Variants in SLC39A11 observed in about 807,000 individuals in gnomAD.
SLC39A11 encodes solute carrier family 39 member 11, also known as zinc transporter ZIP11.
In SLC39A11, 33 loss-of-function variants were observed where a neutral mutation model predicts 36.1. The observed-to-expected ratio is 0.91, with a 90% CI of 0.69 to 1.22. The LOEUF is 1.22. Ranked by LOEUF, SLC39A11 falls within the 50% of genes most tolerant of loss-of-function variation. SLC39A11 has a pLI of 0.00. For missense variants in SLC39A11, 432 were observed against 430.3 expected (o/e 1.00, Z -0.03); for synonymous variants, 166 against 170.3 (o/e 0.97, Z 0.20).
At chr17:72,852,955 C>A (rs2079436489) in intron 5 of SLC39A11, among the ~76,000 whole-genome samples, 2 of 152,146 alleles carry the variant, frequency 1.3e-5, no homozygotes, top group African/African-American at 4.8e-5. Context: ...ACTAGATGCT[C>A]TCCAGTGAGA....
intron 5 of SLC39A11, among the ~76,000 whole-genome samples, chr17:72,940,016 A>C (rs949290891): frequency 6.6e-6 from 1 of 152,202 alleles, no homozygotes; most frequent in Admixed American, 6.5e-5. Flanking sequence ...ATTTGGGAGC[A>C]TTTCAGATCT....
chr17:72,697,618 G>A (rs2072369377), intron 7 of SLC39A11, among the ~76,000 whole-genome samples: 1 of 151,898 alleles, frequency 6.6e-6, no homozygotes, highest in African/African-American at 2.4e-5. Context: ...CAAATCCCTG[G>A]GTTGCTCTGA....
chr17:72,912,174 A>G (rs1382999554), intron 5 of SLC39A11, among the ~76,000 whole-genome samples: 1 of 152,108 alleles, frequency 6.6e-6, no homozygotes, highest in Non-Finnish European at 1.5e-5. Context: ...ATAAATGAGC[A>G]GCTAAGTAAG....
At chr17:72,967,986 C>T (rs2087141335) in intron 4 of SLC39A11, among the ~76,000 whole-genome samples, 1 of 152,096 alleles carries the variant, frequency 6.6e-6, no homozygotes, top group Admixed American at 6.6e-5. Context: ...CTCTCCTCCA[C>T]CCCAGACCCC....
intron 4 of SLC39A11, among the ~76,000 whole-genome samples, chr17:72,955,732 C>T (rs934513472): frequency 3.3e-5 from 5 of 151,892 alleles, no homozygotes; most frequent in South Asian, 4.2e-4. Context: ...TTTATCTGAA[C>T]GAACTAAATG....
chr17:72,722,898 A>T (rs767369839), intron 7 of SLC39A11, among the ~76,000 whole-genome samples: 65 of 152,224 alleles, frequency 4.3e-4, no homozygotes, highest in Non-Finnish European at 7.8e-4. Flanking sequence ...GACCTCCCAA[A>T]GTGCTGGGAT....
intron 4 of SLC39A11, among the ~76,000 whole-genome samples, chr17:72,959,563 TG>T (rs1851321479): frequency 6.6e-6 from 1 of 151,422 alleles, no homozygotes; most frequent in African/African-American, 2.4e-5. Flanking sequence ...TTTGGGAACT[TG>T]GGGGGAAGGG....
intron 3 of SLC39A11, among the ~76,000 whole-genome samples, chr17:73,067,411 T>C (rs2060027851): frequency 6.6e-6 from 1 of 152,230 alleles, no homozygotes; most frequent in African/African-American, 2.4e-5. Context: ...AGACAAAGGC[T>C]GCCCTCTTGG....
intron 4 of SLC39A11, among the ~76,000 whole-genome samples, chr17:72,970,773 G>A (rs985964255): frequency 2.0e-5 from 3 of 152,238 alleles, no homozygotes. Flanking sequence ...GTTTCTAACA[G>A]CCCCCCAAGG....
intron 6 of SLC39A11, among the ~76,000 whole-genome samples, chr17:72,763,406 G>A (rs1332331385): frequency 6.6e-6 from 1 of 152,168 alleles, no homozygotes; most frequent in African/African-American, 2.4e-5. Flanking sequence ...ACCCAGAACC[G>A]ACATCACATT....
At chr17:72,994,929 T>C (rs1428041705) in intron 4 of SLC39A11, among the ~76,000 whole-genome samples, 1 of 152,204 alleles carries the variant, frequency 6.6e-6, no homozygotes, top group Non-Finnish European at 1.5e-5. Flanking sequence ...ATGGTGCTAG[T>C]TTCCACCTGG....
At position 72,915,977 on chromosome 17, in the gene SLC39A11, G is replaced by A. The variant is rs568325971; in HGVS notation, c.430+31775C>T. Among the ~76,000 whole-genome samples the A allele has an allele frequency of 7.2e-5, 11 of 152,228 alleles. No individual in the cohort carries two copies. In the Middle Eastern group the frequency reaches 0.01, roughly 141 times the overall value. ...GAAACACACATCCACACGTCTGGCC[G>A]TACCCAGTAATACTCGAGTACACAA... On this transcript the variant is annotated intron_variant, in intron 5 of 9. Coordinates refer to ENST00000255559, the MANE Select transcript of SLC39A11 (RefSeq NM_139177.4).
chr17:72,880,830 C>T (rs1250770915), intron 5 of SLC39A11, among the ~76,000 whole-genome samples: 5 of 145,072 alleles, frequency 3.4e-5, no homozygotes, highest in Non-Finnish European at 6.0e-5. Context: ...TACAGGCGCC[C>T]GCCACCACGC....
At chr17:73,031,835 C>A (rs143710248) in intron 3 of SLC39A11, 121 bp from the exon 4 acceptor site, 1 of 1,026,390 alleles carries the variant, frequency 9.7e-7, no homozygotes, top group African/African-American at 1.6e-5. Context: ...TTCAGTCTTT[C>A]GTCCCAGGTT....
chr17:72,929,177 C>T (rs1364766515), intron 5 of SLC39A11, among the ~76,000 whole-genome samples: 1 of 152,162 alleles, frequency 6.6e-6, no homozygotes, highest in East Asian at 1.9e-4. Flanking sequence ...TTGTGAGAGA[C>T]CCATCCTGCC....
intron 5 of SLC39A11, among the ~76,000 whole-genome samples, chr17:72,860,006 CGAGGAGAGGGGAGGGGAGGG>C (rs2079879024): frequency 1.6e-5 from 1 of 64,096 alleles, no homozygotes; most frequent in Admixed American, 1.7e-4. Context: ...AGAGACTAGA[CGAGGAGAGGGGAGGGGAGGG>C]GAGGGGAGGG....
At chr17:72,844,297 A>G (rs1378227981) in intron 6 of SLC39A11, among the ~76,000 whole-genome samples, 1 of 152,212 alleles carries the variant, frequency 6.6e-6, no homozygotes, top group Non-Finnish European at 1.5e-5. Flanking sequence ...AATGAGCCAC[A>G]GTGGGTCTTT....
chr17:72,921,674 C>A (rs530750695), intron 5 of SLC39A11, among the ~76,000 whole-genome samples: 12 of 152,130 alleles, frequency 7.9e-5, no homozygotes, highest in African/African-American at 2.9e-4. Context: ...AGCCCCTGAT[C>A]GAAATGTTAG....
At chr17:72,982,979 G>A (rs1286138729) in intron 4 of SLC39A11, among the ~76,000 whole-genome samples, 2 of 152,030 alleles carry the variant, frequency 1.3e-5, no homozygotes, top group African/African-American at 4.8e-5. Flanking sequence ...CTCAGAGAAC[G>A]TCTATTAAAT....
Sources: gnomAD v4.1 joint callset for allele counts (sites outside exome capture counted in the v4.1 genomes callset) on GRCh38, gnomAD v4.1.1 for gene constraint, MANE v1.5 for transcripts, NCBI Gene and HGNC (gene_info 2026-07-23, HGNC 2026-07-21) for gene names.